The following IMPG1 variants were observed in gnomAD, a reference collection of about 807,000 sequenced individuals.
IMPG1 encodes interphotoreceptor matrix proteoglycan of 150 kDa.
Under a neutral mutation model 92.0 loss-of-function variants are expected in IMPG1, and 85 were observed. That is an observed-to-expected ratio of 0.92 (90% CI 0.78 to 1.11). The LOEUF is 1.11. IMPG1 is among the 50% of genes least tolerant of loss of function. IMPG1 has a pLI of 0.00. For missense variants in IMPG1, 1,022 were observed against 956.0 expected (o/e 1.07, Z -0.91); for synonymous variants, 367 against 334.1 (o/e 1.10, Z -1.08).
chr6:76,058,142 C>G (rs554623766), intron 1 of IMPG1, among the ~76,000 whole-genome samples: 1 of 152,046 alleles, frequency 6.6e-6, no homozygotes, highest in Admixed American at 6.6e-5. Flanking sequence ...AATCCATAGG[C>G]TGCCTTTTCA....
intron 7 of IMPG1, among the ~76,000 whole-genome samples, chr6:76,015,433 G>C (rs1298538758): frequency 6.6e-6 from 1 of 152,150 alleles, no homozygotes; most frequent in Non-Finnish European, 1.5e-5. Flanking sequence ...CAGCACTGAC[G>C]CCAGGGGTCT....
chr6:75,969,317 C>T (rs760247871), intron 12 of IMPG1, among the ~76,000 whole-genome samples: 19 of 151,934 alleles, frequency 1.3e-4, no homozygotes, highest in Middle Eastern at 3.2e-3. Context: ...GCCCTCACCA[C>T]AAAAAATGGC....
At chr6:76,017,988 C>T (rs1783322475) in intron 7 of IMPG1, among the ~76,000 whole-genome samples, 1 of 152,160 alleles carries the variant, frequency 6.6e-6, no homozygotes, top group Non-Finnish European at 1.5e-5. Flanking sequence ...CCTGATCCAC[C>T]CGCCTCAGCC....
At chr6:76,031,586 A>G (rs1191230547) in intron 4 of IMPG1, among the ~76,000 whole-genome samples, 2 of 152,200 alleles carry the variant, frequency 1.3e-5, no homozygotes, top group South Asian at 2.1e-4. Context: ...TTTTTCTGGT[A>G]TTATACTATG....
At chr6:76,035,499 CAAAAAAAAAAAAAA>C (rs34929063) in intron 2 of IMPG1, among the ~76,000 whole-genome samples, 2 of 62,186 alleles carry the variant, frequency 3.2e-5, no homozygotes, top group East Asian at 4.5e-4. Context: ...AACTCCGTCT[CAAAAAAAAAAAAAA>C]AAAAAAAAAA....
intron 4 of IMPG1, among the ~76,000 whole-genome samples, chr6:76,030,042 G>A (rs1329284819): frequency 1.3e-5 from 2 of 152,206 alleles, no homozygotes; most frequent in East Asian, 3.9e-4. Context: ...AAGGCACAGT[G>A]CAGGTGAGCA....
rs1781427316 is a variant in IMPG1, at chr6:75,921,457, A to T, written c.*632T>A. ...GATTTTTCCATGGTATGTGTATCTG[A>T]ACCTCAGTTTCTTTTAAAGAACAAT... is the stretch of plus-strand genomic sequence containing the variant. On this transcript the variant is annotated 3_prime_UTR_variant, in exon 17 of 17. Transcript: ENST00000369950. 1 of 152,566 alleles carries T rather than the reference A, an allele frequency of 6.6e-6. No individual in the cohort carries two copies. The highest frequency in any genetic ancestry group is 1.5e-5 in the Non-Finnish European group (1 of 68,040). The allele number at this position is 152,566 out of a possible 1,614,324, so 9.5% of individuals were successfully genotyped here. A position where few individuals can be genotyped will look rare whatever the true frequency, so the allele number is the denominator to read the frequency against.
At position 75,954,993 on chromosome 6, in the gene IMPG1, C is replaced by T. The variant is rs184319746; in HGVS notation, c.1292-3899G>A. Among the ~76,000 whole-genome samples, 299 of 152,252 alleles carry T rather than the reference C, an allele frequency of 2.0e-3. 2 individuals are homozygous for T. Among genetic ancestry groups the T allele is most frequent in the African/African-American group, 6.9e-3 (286 of 41,554 alleles). ...CTATGTATCTGTTCTGGTACCAGTA[C>T]CATCCTGTTTTTGTTACTGTAGGCT... On this transcript the variant is annotated intron_variant, in intron 12 of 16. Coordinates refer to ENST00000369950, the MANE Select transcript of IMPG1 (RefSeq NM_001563.4).
rs1488975086 is a variant in IMPG1 at position 75,924,592 on chromosome 6, AT to A, written c.2244-887del. On this transcript the variant is annotated intron_variant, in intron 15 of 16. Coordinates refer to ENST00000369950, the MANE Select transcript of IMPG1 (RefSeq NM_001563.4). ...TTATATATAATTAATATAATTATAT[AT>A]TATATATAATTAATTATATATAATA... Among the ~76,000 whole-genome samples, 201 of 29,312 alleles carry A rather than the reference AT, an allele frequency of 6.9e-3. 22 individuals are homozygous for A. The highest frequency in any genetic ancestry group is 0.018 in the African/African-American group (190 of 10,600). The allele number at this position is 29,312 out of a possible 152,430, so 19.2% of individuals were successfully genotyped here.
intron 4 of IMPG1, among the ~76,000 whole-genome samples, chr6:76,033,682 G>A (rs563873378): frequency 2.6e-4 from 39 of 152,280 alleles, no homozygotes; most frequent in African/African-American, 1.4e-4. Context: ...CCAAATTTGC[G>A]TCTCTCTTTG....
At chr6:76,021,576 C>T (rs559175971) in intron 6 of IMPG1, among the ~76,000 whole-genome samples, 1 of 152,030 alleles carries the variant, frequency 6.6e-6, no homozygotes, top group South Asian at 2.1e-4. Flanking sequence ...GCCAGTGCTC[C>T]TCTTTGCCTT....
chr6:76,014,098 T>C (rs1054522364), intron 7 of IMPG1, among the ~76,000 whole-genome samples: 1 of 152,236 alleles, frequency 6.6e-6, no homozygotes, highest in African/African-American at 2.4e-5. Flanking sequence ...GTTTATTGCT[T>C]AATCTCTCTG....
intron 1 of IMPG1, among the ~76,000 whole-genome samples, chr6:76,043,406 C>T (rs747991135): frequency 5.9e-5 from 9 of 152,124 alleles, no homozygotes; most frequent in South Asian, 2.1e-4. Context: ...AAAAGTCCCT[C>T]AATATTGTAG....
intron 12 of IMPG1, among the ~76,000 whole-genome samples, chr6:75,961,393 T>G (rs1190971769): frequency 6.6e-6 from 1 of 152,198 alleles, no homozygotes; most frequent in Non-Finnish European, 1.5e-5. Flanking sequence ...TAGAAAATGT[T>G]AATTATCCAC....
At chr6:75,950,092 A>C (rs993328137) in intron 13 of IMPG1, among the ~76,000 whole-genome samples, 1 of 152,146 alleles carries the variant, frequency 6.6e-6, no homozygotes, top group African/African-American at 2.4e-5. Context: ...TAAACCACTT[A>C]GTCATTTTTT....
chr6:75,982,924 A>T (rs1052144113), intron 12 of IMPG1, among the ~76,000 whole-genome samples: 3 of 152,016 alleles, frequency 2.0e-5, no homozygotes, highest in Non-Finnish European at 2.9e-5. Flanking sequence ...ATCTGCTATC[A>T]TCCATCCCTC....
At chr6:75,951,350 G>A (rs773771577) in intron 12 of IMPG1, among the ~76,000 whole-genome samples, 1 of 151,950 alleles carries the variant, frequency 6.6e-6, no homozygotes, top group Non-Finnish European at 1.5e-5. Context: ...TGATATATGA[G>A]ACTAAAAGAG....
intron 2 of IMPG1, among the ~76,000 whole-genome samples, chr6:76,039,169 G>A (rs1285469850): frequency 6.6e-6 from 1 of 152,112 alleles, no homozygotes; most frequent in Non-Finnish European, 1.5e-5. Flanking sequence ...TTTTACCTGG[G>A]GAACTTGTTA....
intron 16 of IMPG1, among the ~76,000 whole-genome samples, chr6:75,923,058 A>T (rs922125149): frequency 2.6e-5 from 4 of 152,138 alleles, no homozygotes; most frequent in Non-Finnish European, 5.9e-5. Flanking sequence ...TTAAAAAACT[A>T]TGTCAACTAT....
Sources: gnomAD v4.1 joint callset for allele counts (sites outside exome capture counted in the v4.1 genomes callset) on GRCh38, gnomAD v4.1.1 for gene constraint, MANE v1.5 for transcripts, NCBI Gene and HGNC (gene_info 2026-07-23, HGNC 2026-07-21) for gene names.